The following SLC9C1 variants were observed in gnomAD, a reference collection of about 807,000 sequenced individuals.
The protein encoded by SLC9C1 is solute carrier family 9 member C1, also known as sodium/hydrogen exchanger 10.
A neutral mutation model predicts 140.9 loss-of-function variants in SLC9C1; 97 were observed. That is an observed-to-expected ratio of 0.69 (90% CI 0.58 to 0.82). The LOEUF is 0.82. Among genes scored for constraint, SLC9C1 ranks in the 40% least tolerant of loss-of-function variants. SLC9C1 has a pLI of 0.00. For missense variants in SLC9C1, 1,340 were observed against 1,389.3 expected (o/e 0.96, Z 0.56); for synonymous variants, 440 against 442.6 (o/e 0.99, Z 0.07).
At chr3:112,237,001 C>T (rs550038016) in intron 12 of SLC9C1, among the ~76,000 whole-genome samples, 3 of 152,218 alleles carry the variant, frequency 2.0e-5, no homozygotes, top group Admixed American at 6.5e-5. Context: ...CAGAGCTGAG[C>T]TCATTTCCTG....
intron 14 of SLC9C1, among the ~76,000 whole-genome samples, chr3:112,220,853 A>G (rs1353003940): frequency 1.6e-5 from 1 of 63,232 alleles, no homozygotes; most frequent in East Asian, 7.8e-3. Context: ...AACTTTTGGC[A>G]GGGGGGGACA....
At chr3:112,234,939 A>C (rs898194984) in intron 12 of SLC9C1, among the ~76,000 whole-genome samples, 1 of 151,952 alleles carries the variant, frequency 6.6e-6, no homozygotes, top group Non-Finnish European at 1.5e-5. Context: ...CTTTTGGCTT[A>C]TGTTTGACTT....
At chr3:112,168,720 G>A (rs1230562098) in intron 25 of SLC9C1, among the ~76,000 whole-genome samples, 157 bp downstream of exon 25, 1 of 152,194 alleles carries the variant, frequency 6.6e-6, no homozygotes, top group African/African-American at 2.4e-5. Context: ...CTATGTGGGT[G>A]TGGTTGTGGG....
intron 1 of SLC9C1, among the ~76,000 whole-genome samples, chr3:112,292,227 C>T (rs545580270): frequency 5.3e-5 from 8 of 152,176 alleles, no homozygotes; most frequent in Non-Finnish European, 8.8e-5. Context: ...TGAATTTACC[C>T]ATATAACAAA....
At chr3:112,218,786 A>C (rs919081418) in intron 14 of SLC9C1, among the ~76,000 whole-genome samples, 1 of 152,190 alleles carries the variant, frequency 6.6e-6, no homozygotes, top group African/African-American at 2.4e-5. Context: ...ATATAGTCTT[A>C]TTGTGATATC....
chr3:112,275,033 T>C lies in SLC9C1; in HGVS notation c.485-8A>G. 6.4e-7 allele frequency: 1 copy of C among 1,550,416 alleles called. No individual in the cohort carries two copies. Among genetic ancestry groups the C allele is most frequent in the Non-Finnish European group, 8.6e-7 (1 of 1,160,018 alleles). Reference sequence around the variant, plus strand: ...TGAGGCTTCTAGAAAGCCCTACATATGTTGAGGGGGAAAGATGTTTTTTAA... The same window carrying C: ...TGAGGCTTCTAGAAAGCCCTACATACGTTGAGGGGGAAAGATGTTTTTTAA... On this transcript the variant is annotated splice_region_variant and splice_polypyrimidine_tract_variant and intron_variant, in intron 5 of 28. Transcript: ENST00000305815.
intron 10 of SLC9C1, among the ~76,000 whole-genome samples, chr3:112,248,998 G>A (rs2079371859): frequency 6.6e-6 from 1 of 152,068 alleles, no homozygotes; most frequent in Admixed American, 6.6e-5. Context: ...GAACAGGAAT[G>A]GTGAAAATGG....
chr3:112,165,519 G>A (rs1291262622), intron 26 of SLC9C1, among the ~76,000 whole-genome samples: 1 of 152,206 alleles, frequency 6.6e-6, no homozygotes. Context: ...GTCTGTTGGA[G>A]TTTGCTGGAG....
At chr3:112,166,142 G>A (rs1423782004) in intron 26 of SLC9C1, among the ~76,000 whole-genome samples, 5 of 152,196 alleles carry the variant, frequency 3.3e-5, no homozygotes, top group Non-Finnish European at 7.3e-5. Flanking sequence ...GGGTGGGAGT[G>A]ACCCGATTTT....
chr3:112,220,834 C>T (rs988050820), intron 14 of SLC9C1, among the ~76,000 whole-genome samples: 11 of 133,754 alleles, frequency 8.2e-5, no homozygotes, highest in African/African-American at 3.1e-4. Context: ...GAGTTCTTTA[C>T]CACAGCTTAA....
chr3:112,233,582 T>C (rs2078894662), intron 12 of SLC9C1, among the ~76,000 whole-genome samples: 2 of 151,978 alleles, frequency 1.3e-5, no homozygotes, highest in South Asian at 4.2e-4. Flanking sequence ...GCTGCACCCA[T>C]TAACTCGTCA....
In SLC9C1 at chr3:112,276,385, AAT is replaced by A. The variant is rs386397630; in HGVS notation, c.484+1308_484+1309del. 1.6e-3 allele frequency among the ~76,000 whole-genome samples: 248 copies of A among 151,044 alleles called. 1 individual carries two copies. The highest frequency in any genetic ancestry group is 5.7e-3 in the African/African-American group (236 of 41,280). On this transcript the variant is annotated intron_variant, in intron 5 of 28. Transcript: ENST00000305815. ...TTTCAAGTATATATATATATGAAAA[AAT>A]ATATATATATGCATATACACACGTA... is the stretch of plus-strand genomic sequence containing the variant.
chr3:112,224,690 G>GA (rs1340284812), intron 13 of SLC9C1, among the ~76,000 whole-genome samples: 7 of 149,432 alleles, frequency 4.7e-5, no homozygotes, highest in South Asian at 2.1e-4. Context: ...AGATCAAACA[G>GA]AAAAAAAGAA....
At chr3:112,159,030 T>C (rs1483402064) in intron 26 of SLC9C1, among the ~76,000 whole-genome samples, 4 of 151,906 alleles carry the variant, frequency 2.6e-5, no homozygotes, top group African/African-American at 9.7e-5. Flanking sequence ...ATTTATTCTC[T>C]TCTACTAATT....
intron 23 of SLC9C1, among the ~76,000 whole-genome samples, chr3:112,177,655 A>T (rs887904738): frequency 6.7e-6 from 1 of 149,226 alleles, no homozygotes; most frequent in East Asian, 2.0e-4. Context: ...ACATAAGTTT[A>T]CCTATATAAC....
At chr3:112,270,544 T>C (rs1487944897) in intron 6 of SLC9C1, among the ~76,000 whole-genome samples, 1 of 152,252 alleles carries the variant, frequency 6.6e-6, no homozygotes, top group African/African-American at 2.4e-5. Flanking sequence ...CTGTAGCTCA[T>C]GCCTATAATC....
intron 20 of SLC9C1, among the ~76,000 whole-genome samples, chr3:112,186,803 CACAGTCGCTTAA>C (rs2077549447): frequency 6.6e-6 from 1 of 152,200 alleles, no homozygotes; most frequent in Non-Finnish European, 1.5e-5. Context: ...TCCACACCTA[CACAGTCGCTTAA>C]ATAGTGACAA....
At chr3:112,233,394 A>G (rs1227500345) in intron 12 of SLC9C1, among the ~76,000 whole-genome samples, 2 of 152,130 alleles carry the variant, frequency 1.3e-5, no homozygotes, top group South Asian at 2.1e-4. Context: ...GAGCTCCAAT[A>G]CACAGCCTCC....
At chr3:112,289,151 A>G (rs1368087390) in intron 1 of SLC9C1, among the ~76,000 whole-genome samples, 1 of 152,182 alleles carries the variant, frequency 6.6e-6, no homozygotes, top group Non-Finnish European at 1.5e-5. Flanking sequence ...AGGTTTTGTG[A>G]GAAAGGCTGT....
Sources: gnomAD v4.1 joint callset for allele counts (sites outside exome capture counted in the v4.1 genomes callset) on GRCh38, gnomAD v4.1.1 for gene constraint, MANE v1.5 for transcripts, NCBI Gene and HGNC (gene_info 2026-07-23, HGNC 2026-07-21) for gene names.